Variants in CNTN3 observed in about 807,000 individuals in gnomAD.
CNTN3 encodes contactin 3, also known as contactin-3.
CNTN3 carries 60 observed loss-of-function variants against 119.1 expected under a neutral mutation model. The ratio of observed to expected loss-of-function variants is 0.50; its 90% CI spans 0.41 to 0.62. The LOEUF is 0.62. Ranked by LOEUF, CNTN3 falls within the 20% of genes least tolerant of loss-of-function variation. The probability of loss-of-function intolerance (pLI) is 0.00; values close to 1 mark genes in which losing one functional copy is unlikely to be tolerated. For synonymous variants in CNTN3, 450 were observed against 438.7 expected (o/e 1.03, Z -0.32); for missense variants, 1,101 against 1,242.4 (o/e 0.89, Z 1.71).
intron 11 of CNTN3, among the ~76,000 whole-genome samples, chr3:74,357,454 T>A (rs1200965476): frequency 3.9e-5 from 6 of 152,000 alleles, no homozygotes; most frequent in African/African-American, 1.5e-4. Context: ...CAGCTAATTT[T>A]GTATTTTTAG....
At chr3:74,276,129 C>A (rs566204459) in intron 20 of CNTN3, among the ~76,000 whole-genome samples, 4 of 152,184 alleles carry the variant, frequency 2.6e-5, no homozygotes, top group Admixed American at 1.3e-4. Context: ...AACACTGGAG[C>A]TCCCAAATTT....
intron 1 of CNTN3, among the ~76,000 whole-genome samples, chr3:74,585,749 T>G (rs76196131): frequency 0.025 from 3,869 of 152,230 alleles, 76 homozygotes; most frequent in South Asian, 0.04. Flanking sequence ...CAAATGACTG[T>G]CTTAAAAACA....
intron 1 of CNTN3, among the ~76,000 whole-genome samples, chr3:74,573,034 GA>G (rs1406804370): frequency 3.3e-5 from 5 of 152,228 alleles, no homozygotes; most frequent in Non-Finnish European, 5.9e-5. Context: ...CAGGGCATTT[GA>G]GGCAAGCCTC....
intron 1 of CNTN3, among the ~76,000 whole-genome samples, chr3:74,538,738 C>A (rs1011491834): frequency 6.6e-6 from 1 of 152,100 alleles, no homozygotes; most frequent in African/African-American, 2.4e-5. Context: ...AGTAAGCTTC[C>A]CTAAGGCAGT....
At chr3:74,459,135 A>G (rs1487464041) in intron 4 of CNTN3, among the ~76,000 whole-genome samples, 2 of 151,868 alleles carry the variant, frequency 1.3e-5, no homozygotes, top group African/African-American at 4.8e-5. Context: ...GAATCCTCTT[A>G]TCTCTGCCTT....
intron 1 of CNTN3, among the ~76,000 whole-genome samples, chr3:74,537,084 A>G (rs75680165): frequency 0.017 from 2,522 of 152,208 alleles, 40 homozygotes; most frequent in Admixed American, 0.054. Flanking sequence ...CTCTGAATAC[A>G]TACTCTTATG....
At chr3:74,603,771 C>T (rs1392418418) in intron 1 of CNTN3, among the ~76,000 whole-genome samples, 1 of 151,762 alleles carries the variant, frequency 6.6e-6, no homozygotes, top group Non-Finnish European at 1.5e-5. Flanking sequence ...CAGTGCAAGT[C>T]CTAACAAAAT....
At chr3:74,506,693 G>T (rs1703266402) in intron 2 of CNTN3, among the ~76,000 whole-genome samples, 1 of 148,602 alleles carries the variant, frequency 6.7e-6, no homozygotes. Context: ...AATATGCAAT[G>T]TGTACAATAC....
intron 11 of CNTN3, among the ~76,000 whole-genome samples, chr3:74,361,488 A>G (rs1488735892): frequency 6.6e-6 from 1 of 152,150 alleles, no homozygotes; most frequent in Non-Finnish European, 1.5e-5. Flanking sequence ...CAGTCATGCT[A>G]AATTATTTGA....
At chr3:74,386,986 T>C (rs1373755011) in intron 5 of CNTN3, among the ~76,000 whole-genome samples, 4 of 152,008 alleles carry the variant, frequency 2.6e-5, no homozygotes, top group African/African-American at 4.8e-5. Flanking sequence ...AGTGAGAAAA[T>C]GGTGTCTGAG....
chr3:74,436,185 C>T (rs1052988463), intron 4 of CNTN3, among the ~76,000 whole-genome samples: 1 of 152,220 alleles, frequency 6.6e-6, no homozygotes, highest in Non-Finnish European at 1.5e-5. Flanking sequence ...ATGCTCTATC[C>T]TTCCCCTTTC....
chr3:74,456,450 A>G lies in CNTN3; in HGVS notation c.358+30006T>C, dbSNP rs115007272. ...ACATTAGGATTATGTTGCATTAATG[A>G]TCTCAACAGGAGGGGAATAGATATG... On this transcript the variant is annotated intron_variant, in intron 4 of 22. Coordinates refer to ENST00000263665, the MANE Select transcript of CNTN3 (RefSeq NM_020872.3). 9.7e-3 allele frequency among the ~76,000 whole-genome samples: 1,476 copies of G among 152,126 alleles called. 19 individuals carry two copies. Among genetic ancestry groups the G allele is most frequent in the African/African-American group, 0.033 (1,383 of 41,512 alleles).
At chr3:74,330,505 G>A (rs2106698365) in intron 13 of CNTN3, among the ~76,000 whole-genome samples, 1 of 152,182 alleles carries the variant, frequency 6.6e-6, no homozygotes, top group South Asian at 2.1e-4. Context: ...ATACAATTAT[G>A]TACAGTACAT....
At chr3:74,410,808 T>A (rs190234877) in intron 5 of CNTN3, among the ~76,000 whole-genome samples, 3 of 152,222 alleles carry the variant, frequency 2.0e-5, no homozygotes, top group East Asian at 3.9e-4. Flanking sequence ...ACAGATGCAA[T>A]GTGATCCATA....
intron 11 of CNTN3, among the ~76,000 whole-genome samples, chr3:74,339,892 C>CAGATAGATAGAT (rs55925924): frequency 1.3e-5 from 2 of 149,756 alleles, no homozygotes; most frequent in Admixed American, 6.7e-5. Flanking sequence ...TAATTGGATA[C>CAGATAGATAGAT]AGATAGATAG....
chr3:74,544,182 C>T (rs1450918750), intron 1 of CNTN3, among the ~76,000 whole-genome samples: 1 of 152,040 alleles, frequency 6.6e-6, no homozygotes, highest in African/African-American at 2.4e-5. Flanking sequence ...CAGGTTGGCA[C>T]TGAAAGGGAA....
At chr3:74,449,969 T>C (rs1223616230) in intron 4 of CNTN3, among the ~76,000 whole-genome samples, 1 of 152,188 alleles carries the variant, frequency 6.6e-6, no homozygotes, top group Non-Finnish European at 1.5e-5. Flanking sequence ...ATTTTTATAA[T>C]AATTTGTTAT....
At chr3:74,414,837 A>G (rs1179372513) in intron 5 of CNTN3, among the ~76,000 whole-genome samples, 1 of 151,230 alleles carries the variant, frequency 6.6e-6, no homozygotes, top group East Asian at 1.9e-4. Flanking sequence ...TTGCTAGTGC[A>G]CAGATCAATT....
chr3:74,558,123 G>T (rs1260423019), intron 1 of CNTN3, among the ~76,000 whole-genome samples: 2 of 152,236 alleles, frequency 1.3e-5, no homozygotes, highest in Non-Finnish European at 2.9e-5. Context: ...TGCAATTACT[G>T]GTTTTTGCAT....
Sources: allele counts gnomAD v4.1 joint callset (sites outside exome capture counted in the v4.1 genomes callset), GRCh38; gene constraint gnomAD v4.1.1; transcripts MANE v1.5; gene names NCBI Gene and HGNC (gene_info 2026-07-23, HGNC 2026-07-21).